SLC6A5: variants seen among roughly 807,000 people sequenced by gnomAD.
SLC6A5 encodes sodium- and chloride-dependent glycine transporter 2.
In SLC6A5, 58 loss-of-function variants were observed where a neutral mutation model predicts 90.5. The observed-to-expected ratio is 0.64, with a 90% confidence interval of 0.52 to 0.80. The LOEUF is 0.80. Among genes scored for constraint, SLC6A5 ranks in the 30% least tolerant of loss-of-function variants. SLC6A5 has a pLI of 0.00. For synonymous variants in SLC6A5, 427 were observed against 401.4 expected (o/e 1.06, Z -0.76); for missense variants, 1,015 against 1,017.6 (o/e 1.00, Z 0.03).
At chr11:20,626,238 G>A (rs557992215) in intron 7 of SLC6A5, among the ~76,000 whole-genome samples, 14 of 152,310 alleles carry the variant, frequency 9.2e-5, no homozygotes, top group African/African-American at 2.9e-4. Context: ...ACCTAAATGC[G>A]TCTAATTCTA....
At chr11:20,614,882 T>C (rs1852757402) in intron 6 of SLC6A5, 62 bp downstream of exon 6, 3 of 1,502,284 alleles carry the variant, frequency 2.0e-6, no homozygotes, top group Admixed American at 3.3e-5. Flanking sequence ...TTAATAAATA[T>C]TCAATTTGCA....
rs1852534473 is a variant in SLC6A5, at chr11:20,604,317, G to C, written c.572G>C (p.Arg191Pro). ...GAGCAAGGGGATGAGAATAAGGCCC[G>C]AGGGAACTGGTCCAGCAAACTGGAC... ...EDEQGDENKA[R>P]GNWSSKLDFI... The change falls in exon 3 of 16, where the codon CGA (arginine) becomes CCA (proline). Residue 191 changes from arginine (R) to proline (P), a missense_variant. Around this residue, in one of 3 missense-constraint regions of SLC6A5, gnomAD observed 567 missense variants for 507.3 expected, o/e 1.12. Transcript: ENST00000525748. 2 of 1,613,648 alleles carry C rather than the reference G, an allele frequency of 1.2e-6. No individual in the cohort carries two copies. The highest frequency in any genetic ancestry group is 8.5e-7 in the Non-Finnish European group (1 of 1,179,772).
intron 3 of SLC6A5, among the ~76,000 whole-genome samples, chr11:20,605,118 C>T (rs77255665): frequency 0.013 from 2,033 of 152,230 alleles, 51 homozygotes; most frequent in African/African-American, 0.047. Context: ...TCTGTACCCA[C>T]CGAGGAGGGA....
rs1343255548 is a variant in SLC6A5, at chr11:20,600,324, AAAGAAGAAGAGGAAGAAGAAGAAG to A, written c.3+660_3+683del. Among the ~76,000 whole-genome samples, 320 of 124,770 alleles carry A rather than the reference AAAGAAGAAGAGGAAGAAGAAGAAG, an allele frequency of 2.6e-3. 1 individual carries two copies. Among genetic ancestry groups the A allele is most frequent in the Admixed American group, 5.0e-3 (61 of 12,092 alleles). 81.9% of individuals were successfully genotyped at this position (124,770 alleles called of 152,430 possible). A position where few individuals can be genotyped will look rare whatever the true frequency, so the allele number is the denominator to read the frequency against. ...AGACTCCTGTGAATAGTTACGCAAA[AAAGAAGAAGAGGAAGAAGAAGAAG>A]AAGAAGAAGAAGAAGAAGAAGAAGA... On this transcript the variant is annotated intron_variant, in intron 1 of 15. Transcript: ENST00000525748.
intron 2 of SLC6A5, among the ~76,000 whole-genome samples, chr11:20,602,369 T>C (rs1027873621): frequency 6.6e-6 from 1 of 152,224 alleles, no homozygotes; most frequent in African/African-American, 2.4e-5. Context: ...ATTAGAGGCG[T>C]GAAAAACCCA....
At position 20,638,458 on chromosome 11, in the gene SLC6A5, G is replaced by T. The variant is rs1853251367; in HGVS notation, c.1870-1G>T. 6.3e-7 allele frequency: 1 copy of T among 1,598,418 alleles called. No homozygotes were observed. ...TATTGGTTGTTTCTCTCTCCTGTTAGGGTGGAATTTACATGTTTCAGCTTG... is the reference window on the plus strand; with the variant it reads ...TATTGGTTGTTTCTCTCTCCTGTTATGGTGGAATTTACATGTTTCAGCTTG... On this transcript the variant is annotated splice_acceptor_variant, in intron 12 of 15. Transcript: ENST00000525748. LOFTEE classifies it high-confidence loss of function.
In SLC6A5 at chr11:20,601,288, G is replaced by A; in HGVS notation, c.163G>A (p.Ala55Thr). The A allele has an allele frequency of 1.3e-6, 2 of 1,588,888 alleles. No individual in the cohort carries two copies. Among genetic ancestry groups the A allele is most frequent in the Non-Finnish European group, 1.7e-6 (2 of 1,173,506 alleles). The change falls in exon 2 of 16, where the codon GCT becomes ACT. Residue 55 changes from alanine to threonine, a missense_variant. Ala to Thr is a moderately conservative substitution (Grantham distance 58). Transcript: ENST00000525748. ...APPPPRVPRS[A>T]STGAQTFQSA... ...GCCGCCGCCACGTGTGCCCAGGTCC[G>A]CTTCCACCGGCGCCCAAACTTTCCA...
chr11:20,607,170 G>T (rs1565272728), intron 4 of SLC6A5, 32 bp downstream of exon 4: 4 of 1,582,862 alleles, frequency 2.5e-6, no homozygotes, highest in Non-Finnish European at 3.4e-6. Flanking sequence ...GCCTCCTCAG[G>T]CCCTTTCTTA....
At chr11:20,623,095 C>T (rs987991787) in intron 7 of SLC6A5, among the ~76,000 whole-genome samples, 4 of 152,172 alleles carry the variant, frequency 2.6e-5, no homozygotes, top group African/African-American at 7.2e-5. Flanking sequence ...CTGCTCCTCC[C>T]TTCCATTCCT....
At position 20,634,570 on chromosome 11, in the gene SLC6A5, A is replaced by C. The variant is rs568791083; in HGVS notation, c.1625-1737A>C. 1.9e-3 allele frequency among the ~76,000 whole-genome samples: 292 copies of C among 152,362 alleles called. 1 individual carries two copies. Among genetic ancestry groups the C allele is most frequent in the African/African-American group, 6.6e-3 (274 of 41,594 alleles). On this transcript the variant is annotated intron_variant, in intron 10 of 15. Transcript: ENST00000525748. The stretch of plus-strand genomic sequence containing the variant: ...TTACGGGCCTGACTGTCGCCAGAAC[A>C]TTAAACTGACTTCCTTGTTGTTCTG...
chr11:20,621,387 G>A (rs1322319273), intron 7 of SLC6A5, among the ~76,000 whole-genome samples: 1 of 152,100 alleles, frequency 6.6e-6, no homozygotes, highest in Non-Finnish European at 1.5e-5. Flanking sequence ...TTTTGGAATG[G>A]CATTGCAGCC....
At chr11:20,618,980 A>ACACACACACACACAC (rs1555041127) in intron 7 of SLC6A5, among the ~76,000 whole-genome samples, 15 of 146,556 alleles carry the variant, frequency 1.0e-4, no homozygotes, top group South Asian at 2.2e-4. Context: ...ACACACACAC[A>ACACACACACACACAC]AAGAAAAACC....
intron 6 of SLC6A5, among the ~76,000 whole-genome samples, chr11:20,615,211 C>A (rs909623555): frequency 5.3e-5 from 8 of 151,940 alleles, no homozygotes; most frequent in African/African-American, 1.9e-4. Flanking sequence ...AGAACAAATT[C>A]ATTTTTTTTC....
At chr11:20,639,025 A>G (rs573057241) in intron 13 of SLC6A5, among the ~76,000 whole-genome samples, 3 of 152,288 alleles carry the variant, frequency 2.0e-5, no homozygotes, top group African/African-American at 7.2e-5. Flanking sequence ...TTGTATTAGC[A>G]TCATAGGAGC....
At chr11:20,599,873 G>GT (rs1852425020) in intron 1 of SLC6A5, among the ~76,000 whole-genome samples, 198 bp downstream of exon 1, 1 of 152,188 alleles carries the variant, frequency 6.6e-6, no homozygotes, top group Non-Finnish European at 1.5e-5. Flanking sequence ...TTCCTAGGCT[G>GT]TAGAGCTGAG....
intron 13 of SLC6A5, among the ~76,000 whole-genome samples, chr11:20,641,372 T>G (rs1853310260): frequency 6.6e-6 from 1 of 152,154 alleles, no homozygotes; most frequent in Non-Finnish European, 1.5e-5. Context: ...ATGGCCTCTC[T>G]TCACATTCTT....
In SLC6A5 at chr11:20,657,332, A is replaced by G. The variant is rs1204011945; in HGVS notation, c.*2464A>G. 6.6e-6 allele frequency: 1 copy of G among 152,170 alleles called. No individual in the cohort carries two copies. The highest frequency in any genetic ancestry group is 1.5e-5 in the Non-Finnish European group (1 of 68,040). 9.4% of individuals were successfully genotyped at this position (152,170 alleles called of 1,614,324 possible). A position where few individuals can be genotyped will look rare whatever the true frequency, so the allele number is the denominator to read the frequency against. On this transcript the variant is annotated 3_prime_UTR_variant, in exon 16 of 16. Coordinates refer to ENST00000525748, the MANE Select transcript of SLC6A5 (RefSeq NM_004211.5). Reference sequence around the variant, plus strand: ...GCATGTTTTGGATTTGGGGGCATTTACATTTGTGTTAATTATGATTTGTCC... The same window carrying G: ...GCATGTTTTGGATTTGGGGGCATTTGCATTTGTGTTAATTATGATTTGTCC...
At chr11:20,625,755 A>C (rs1267141401) in intron 7 of SLC6A5, among the ~76,000 whole-genome samples, 3 of 151,498 alleles carry the variant, frequency 2.0e-5, no homozygotes, top group Non-Finnish European at 4.4e-5. Context: ...TGCCTTGCCC[A>C]TGTGCTTCCT....
chr11:20,622,843 C>T (rs759790485), intron 7 of SLC6A5, among the ~76,000 whole-genome samples: 4 of 152,178 alleles, frequency 2.6e-5, no homozygotes, highest in Non-Finnish European at 5.9e-5. Flanking sequence ...AAGGATACTC[C>T]TTAGTTGTCT....
Sources: gnomAD v4.1 joint callset for allele counts (sites outside exome capture counted in the v4.1 genomes callset) on GRCh38, gnomAD v4.1.1 for gene constraint, gnomAD v4.1.1 regional missense constraint, MANE v1.5 for transcripts, NCBI Gene and HGNC (gene_info 2026-07-23, HGNC 2026-07-21) for gene names.